ENOX1: variants seen among roughly 807,000 people sequenced by gnomAD.
The protein encoded by ENOX1 is ecto-NOX disulfide-thiol exchanger 1.
In ENOX1, 42 loss-of-function variants were observed where a neutral mutation model predicts 82.5. The observed-to-expected ratio is 0.51, with a 90% confidence interval of 0.40 to 0.66. The LOEUF (loss-of-function observed/expected upper bound fraction) is 0.66, where lower values mean the gene tolerates loss of function less well. ENOX1 is among the 30% of genes least tolerant of loss of function. The pLI, the probability that ENOX1 is intolerant of heterozygous loss-of-function variation, is 0.00. For missense variants in ENOX1, 608 were observed against 811.6 expected (o/e 0.75, Z 3.05); for synonymous variants, 271 against 282.2 (o/e 0.96, Z 0.40).
chr13:43,447,027 T>C (rs895223586), intron 3 of ENOX1, among the ~76,000 whole-genome samples: 5 of 152,250 alleles, frequency 3.3e-5, no homozygotes, highest in African/African-American at 9.6e-5. Context: ...GAGAACATAG[T>C]GGCCTCTGAT....
intron 2 of ENOX1, among the ~76,000 whole-genome samples, chr13:43,497,078 T>C (rs1224306766): frequency 6.6e-6 from 1 of 152,146 alleles, no homozygotes; most frequent in African/African-American, 2.4e-5. Flanking sequence ...TGTATAGAAA[T>C]AGCACTGATA....
At chr13:43,305,585 CT>C (rs1409809404) in intron 11 of ENOX1, among the ~76,000 whole-genome samples, 1 of 152,132 alleles carries the variant, frequency 6.6e-6, no homozygotes. Context: ...CTGCTCCTTC[CT>C]CCAGAGAGCT....
At chr13:43,596,235 G>A (rs918846968) in intron 2 of ENOX1, among the ~76,000 whole-genome samples, 7 of 152,250 alleles carry the variant, frequency 4.6e-5, no homozygotes, top group African/African-American at 7.2e-5. Flanking sequence ...AAGATCTATC[G>A]GGAGCTTTTC....
At chr13:43,381,747 T>C (rs2052065920) in intron 5 of ENOX1, among the ~76,000 whole-genome samples, 1 of 151,912 alleles carries the variant, frequency 6.6e-6, no homozygotes, top group African/African-American at 2.4e-5. Flanking sequence ...AAATTGTATG[T>C]CAATAAATTT....
intron 2 of ENOX1, among the ~76,000 whole-genome samples, chr13:43,606,874 C>T (rs1235272017): frequency 5.9e-5 from 9 of 151,730 alleles, no homozygotes; most frequent in Admixed American, 3.3e-4. Context: ...AAAAATTAGC[C>T]GGGTATGGTG....
At chr13:43,231,990 C>T (rs1258338983) in intron 15 of ENOX1, among the ~76,000 whole-genome samples, 2 of 152,062 alleles carry the variant, frequency 1.3e-5, no homozygotes, top group African/African-American at 4.8e-5. Flanking sequence ...AGTGGTGCTG[C>T]TCACAGCTCA....
intron 2 of ENOX1, among the ~76,000 whole-genome samples, chr13:43,613,876 A>G (rs2082297672): frequency 6.6e-6 from 1 of 152,138 alleles, no homozygotes; most frequent in Admixed American, 6.5e-5. Context: ...GGTTGCAGTG[A>G]GCCGCCGAGA....
At chr13:43,350,784 C>G (rs573500067) in intron 8 of ENOX1, among the ~76,000 whole-genome samples, 10 of 152,170 alleles carry the variant, frequency 6.6e-5, no homozygotes, top group South Asian at 2.1e-4. Flanking sequence ...CAGGGAGAAG[C>G]AGCCCTGAAT....
intron 3 of ENOX1, among the ~76,000 whole-genome samples, chr13:43,442,248 A>T (rs140655252): frequency 6.6e-6 from 1 of 152,174 alleles, no homozygotes; most frequent in Non-Finnish European, 1.5e-5. Flanking sequence ...GGTACTCAAC[A>T]TTTCTAGTAT....
At chr13:43,598,856 C>G (rs9533542) in intron 2 of ENOX1, among the ~76,000 whole-genome samples, 1 of 152,008 alleles carries the variant, frequency 6.6e-6, no homozygotes, top group Non-Finnish European at 1.5e-5. Context: ...AAGGAAAGAG[C>G]AAACTGATAA....
At chr13:43,247,381 T>C (rs1415864313) in intron 14 of ENOX1, among the ~76,000 whole-genome samples, 1 of 152,090 alleles carries the variant, frequency 6.6e-6, no homozygotes, top group Non-Finnish European at 1.5e-5. Flanking sequence ...AGCTGAGGTC[T>C]TAGAAAGGCA....
At chr13:43,559,136 C>T (rs2079562950) in intron 2 of ENOX1, among the ~76,000 whole-genome samples, 1 of 152,174 alleles carries the variant, frequency 6.6e-6, no homozygotes, top group Non-Finnish European at 1.5e-5. Context: ...GGCCTGCTGG[C>T]AAGTCTGACT....
intron 12 of ENOX1, among the ~76,000 whole-genome samples, chr13:43,290,667 C>T (rs924601398): frequency 7.9e-5 from 12 of 152,166 alleles, no homozygotes; most frequent in African/African-American, 2.7e-4. Flanking sequence ...GGGATCTGTA[C>T]GCTAAACCTC....
At chr13:43,377,324 C>A (rs1018261217) in intron 5 of ENOX1, among the ~76,000 whole-genome samples, 16 of 152,196 alleles carry the variant, frequency 1.1e-4, no homozygotes, top group African/African-American at 3.9e-4. Flanking sequence ...AACAAGAAGG[C>A]CCTCACCAGA....
At chr13:43,475,812 A>G (rs1023959409) in intron 3 of ENOX1, among the ~76,000 whole-genome samples, 1 of 151,372 alleles carries the variant, frequency 6.6e-6, no homozygotes, top group Non-Finnish European at 1.5e-5. Flanking sequence ...AAAAAAAAAA[A>G]AAAGAAAGGC....
intron 1 of ENOX1, among the ~76,000 whole-genome samples, chr13:43,732,626 A>G (rs1291186865): frequency 6.6e-6 from 1 of 152,220 alleles, no homozygotes; most frequent in Non-Finnish European, 1.5e-5. Context: ...AAAGAAAAAG[A>G]CAATGCACAA....
At chr13:43,748,323 T>A (rs1437627743) in intron 1 of ENOX1, among the ~76,000 whole-genome samples, 1 of 152,182 alleles carries the variant, frequency 6.6e-6, no homozygotes, top group East Asian at 1.9e-4. Context: ...CAATTAAAAG[T>A]ATTATGCAAG....
intron 15 of ENOX1, among the ~76,000 whole-genome samples, chr13:43,232,295 A>G (rs2042324562): frequency 6.6e-6 from 1 of 152,056 alleles, no homozygotes; most frequent in African/African-American, 2.4e-5. Context: ...CACAATGAAG[A>G]CGGATTATTC....
chr13:43,338,697 T>G (rs1041934427), intron 9 of ENOX1, among the ~76,000 whole-genome samples: 1 of 141,694 alleles, frequency 7.1e-6, no homozygotes, highest in Non-Finnish European at 1.5e-5. Context: ...TTTTTTTTTT[T>G]TTTTTTGAGA....
Sources: allele counts gnomAD v4.1 joint callset (sites outside exome capture counted in the v4.1 genomes callset), GRCh38; gene constraint gnomAD v4.1.1; transcripts MANE v1.5; gene names NCBI Gene and HGNC (gene_info 2026-07-23, HGNC 2026-07-21).